HORMAD2: variants seen among roughly 807,000 people sequenced by gnomAD.
HORMAD2 encodes the protein HORMA domain-containing protein 2.
HORMAD2 carries 45 observed loss-of-function variants against 38.8 expected under a neutral mutation model. That is an observed-to-expected ratio of 1.16 (90% CI 0.91 to 1.49). The LOEUF is 1.49. HORMAD2 is among the 40% of genes most tolerant of loss of function. The pLI, the probability that HORMAD2 is intolerant of heterozygous loss-of-function variation, is 0.00. For missense variants in HORMAD2, 338 were observed against 367.0 expected (o/e 0.92, Z 0.65); for synonymous variants, 126 against 122.8 (o/e 1.03, Z -0.17).
chr22:30,109,682 C>A (rs1253374633), intron 5 of HORMAD2, among the ~76,000 whole-genome samples: 1 of 152,084 alleles, frequency 6.6e-6, no homozygotes, highest in African/African-American at 2.4e-5. Flanking sequence ...ATATTTCTAT[C>A]TCTATATGTT....
chr22:30,091,266 C>CTTTTTTTT (rs67947501), intron 1 of HORMAD2, among the ~76,000 whole-genome samples: 1 of 114,030 alleles, frequency 8.8e-6, no homozygotes, highest in Non-Finnish European at 1.8e-5. Context: ...CTCTTTCTTT[C>CTTTTTTTT]TTTTTTTTTT....
At chr22:30,160,094 TGTTA>T (rs1841122950) in intron 10 of HORMAD2, among the ~76,000 whole-genome samples, 1 of 152,038 alleles carries the variant, frequency 6.6e-6, no homozygotes, top group African/African-American at 2.4e-5. Flanking sequence ...CTGTGTTGGA[TGTTA>T]GTTAGAGTTT....
chr22:30,159,790 G>A (rs1403574915), intron 10 of HORMAD2, among the ~76,000 whole-genome samples: 2 of 152,052 alleles, frequency 1.3e-5, no homozygotes, highest in Non-Finnish European at 2.9e-5. Context: ...GTTGTGAGCT[G>A]CAGGAGGGCT....
intron 10 of HORMAD2, among the ~76,000 whole-genome samples, chr22:30,141,725 G>A (rs917087442): frequency 2.0e-5 from 3 of 151,550 alleles, no homozygotes; most frequent in Non-Finnish European, 4.4e-5. Context: ...CTCCCAAGTA[G>A]CTGGGATTAC....
At chr22:30,168,941 G>T (rs576744745) in intron 10 of HORMAD2, among the ~76,000 whole-genome samples, 34 of 152,238 alleles carry the variant, frequency 2.2e-4, no homozygotes, top group African/African-American at 7.7e-4. Context: ...AAACTTTAAA[G>T]AATGACATTG....
the HORMAD2 span, among the ~76,000 whole-genome samples, chr22:30,196,501 C>T: frequency 1.3e-5 from 2 of 152,326 alleles, no homozygotes; most frequent in African/African-American, 4.8e-5. Context: ...TGGCCAGCGT[C>T]AGCGTTTGAC....
chr22:30,201,123 G>C, the HORMAD2 span, among the ~76,000 whole-genome samples: 1 of 152,166 alleles, frequency 6.6e-6, no homozygotes, highest in Non-Finnish European at 1.5e-5. Flanking sequence ...GCTCCTTCTA[G>C]AGGCTCTGAG....
chr22:30,108,208 C>T (rs543326613), intron 5 of HORMAD2, among the ~76,000 whole-genome samples: 2 of 152,146 alleles, frequency 1.3e-5, no homozygotes, highest in East Asian at 1.9e-4. Context: ...TTTCCTTATT[C>T]GCATTCTCAA....
At chr22:30,192,052 A>C in the HORMAD2 span, 140,151 of 152,304 alleles carry the variant, frequency 0.92, 64,567 homozygotes, top group East Asian at 1. Flanking sequence ...TTGAGCACAG[A>C]ATTGGCCAAA....
intron 7 of HORMAD2, among the ~76,000 whole-genome samples, chr22:30,115,450 G>A (rs1314425323): frequency 6.6e-6 from 1 of 152,082 alleles, no homozygotes; most frequent in Non-Finnish European, 1.5e-5. Context: ...TTAACTATAA[G>A]TAGTGTCCAT....
At chr22:30,135,544 G>C (rs1020070715) in intron 10 of HORMAD2, among the ~76,000 whole-genome samples, 1 of 152,088 alleles carries the variant, frequency 6.6e-6, no homozygotes, top group Non-Finnish European at 1.5e-5. Flanking sequence ...GGGGTTCCTT[G>C]AGTCTTTTAA....
At chr22:30,168,469 C>G (rs1409000201) in intron 10 of HORMAD2, among the ~76,000 whole-genome samples, 2 of 152,172 alleles carry the variant, frequency 1.3e-5, no homozygotes, top group East Asian at 3.8e-4. Context: ...TGGACATCTT[C>G]ATTTGGATAC....
At chr22:30,125,853 A>G (rs1424927521) in intron 10 of HORMAD2, among the ~76,000 whole-genome samples, 1 of 152,204 alleles carries the variant, frequency 6.6e-6, no homozygotes, top group African/African-American at 2.4e-5. Context: ...ACTGAACACT[A>G]GAGCTGGGAT....
chr22:30,112,404 A>G, intron 6 of HORMAD2, 92 bp from the exon 7 acceptor site: 2 of 665,186 alleles, frequency 3.0e-6, no homozygotes, highest in Non-Finnish European at 5.3e-6. Context: ...AACTAATAGA[A>G]CACAAATTGA....
intron 10 of HORMAD2, among the ~76,000 whole-genome samples, chr22:30,162,040 T>A (rs1376693479): frequency 1.3e-5 from 2 of 152,136 alleles, no homozygotes; most frequent in Non-Finnish European, 2.9e-5. Context: ...AGGGTGGGCA[T>A]GGTGGCTCAC....
the HORMAD2 span, among the ~76,000 whole-genome samples, chr22:30,196,818 C>G: frequency 6.6e-6 from 1 of 152,150 alleles, no homozygotes; most frequent in Non-Finnish European, 1.5e-5. Flanking sequence ...TGTATAAATC[C>G]CATAACAACA....
intron 10 of HORMAD2, among the ~76,000 whole-genome samples, chr22:30,140,766 T>G (rs1395152206): frequency 6.6e-6 from 1 of 152,168 alleles, no homozygotes; most frequent in East Asian, 1.9e-4. Flanking sequence ...TTTTTAATTC[T>G]CCATATCATA....
intron 7 of HORMAD2, among the ~76,000 whole-genome samples, chr22:30,117,010 T>G (rs1922093583): frequency 1.3e-5 from 2 of 152,222 alleles, no homozygotes; most frequent in Non-Finnish European, 2.9e-5. Context: ...CCTATTGTAT[T>G]TACAAAGCAG....
At chr22:30,135,094 A>G (rs1662513857) in intron 10 of HORMAD2, among the ~76,000 whole-genome samples, 1 of 150,476 alleles carries the variant, frequency 6.6e-6, no homozygotes, top group Admixed American at 6.6e-5. Context: ...TCCAAAACTC[A>G]TACTCAACCT....
Sources: gnomAD v4.1 joint callset for allele counts (sites outside exome capture counted in the v4.1 genomes callset) on GRCh38, gnomAD v4.1.1 for gene constraint, MANE v1.5 for transcripts, NCBI Gene and HGNC (gene_info 2026-07-23, HGNC 2026-07-21) for gene names.